Variants in LHFPL3 observed in about 807,000 individuals in gnomAD.
LHFPL3 encodes the protein LHFPL tetraspan subfamily member 3, also known as LHFPL tetraspan subfamily member 3 protein.
A neutral mutation model predicts 19.3 loss-of-function variants in LHFPL3; 5 were observed. That is an observed-to-expected ratio of 0.26 (90% confidence interval 0.14 to 0.54). The LOEUF is 0.54. Ranked by LOEUF, LHFPL3 falls within the 20% of genes least tolerant of loss-of-function variation. The pLI, the probability that LHFPL3 is intolerant of heterozygous loss-of-function variation, is 0.94. For missense variants in LHFPL3, 249 were observed against 307.4 expected (o/e 0.81, Z 1.42); for synonymous variants, 133 against 126.2 (o/e 1.05, Z -0.36).
At chr7:104,423,257 T>C (rs376598856) in intron 1 of LHFPL3, among the ~76,000 whole-genome samples, 1 of 152,144 alleles carries the variant, frequency 6.6e-6, no homozygotes, top group Non-Finnish European at 1.5e-5. Flanking sequence ...AAGTCATCAA[T>C]TGGGCTGCTA....
chr7:104,780,255 G>A (rs1034440074), intron 2 of LHFPL3, among the ~76,000 whole-genome samples: 2 of 144,072 alleles, frequency 1.4e-5, no homozygotes, highest in African/African-American at 5.9e-5. Flanking sequence ...GAAAGAAAGG[G>A]AGCCAGAGCA....
chr7:104,597,961 C>T (rs1299740386), intron 1 of LHFPL3, among the ~76,000 whole-genome samples: 1 of 152,074 alleles, frequency 6.6e-6, no homozygotes, highest in African/African-American at 2.4e-5. Context: ...ATTCTGCTGA[C>T]ATTGAAGCAA....
At chr7:104,368,322 C>A (rs1213886986) in intron 1 of LHFPL3, among the ~76,000 whole-genome samples, 1 of 152,074 alleles carries the variant, frequency 6.6e-6, no homozygotes, top group Non-Finnish European at 1.5e-5. Context: ...GAGATCTACC[C>A]TCTCATTTTT....
Position 104,525,360 on chromosome 7 carries a change from G to A in LHFPL3, c.445+196136G>A, listed in dbSNP as rs888700477. Among the ~76,000 whole-genome samples, 6 of 152,162 alleles carry A rather than the reference G, an allele frequency of 3.9e-5. No homozygotes were observed. In the South Asian group the frequency reaches 1.2e-3, roughly 32 times the overall value. On this transcript the variant is annotated intron_variant, in intron 1 of 2. Coordinates refer to ENST00000424859, the MANE Select transcript of LHFPL3 (RefSeq NM_199000.3). The stretch of plus-strand genomic sequence containing the variant: ...ATAAAATATTCAAGGGGCCTCCTGA[G>A]TTTATTATTTTCATGGGTACTGATT...
At chr7:104,565,015 T>A (rs1790092556) in intron 1 of LHFPL3, among the ~76,000 whole-genome samples, 1 of 152,212 alleles carries the variant, frequency 6.6e-6, no homozygotes. Flanking sequence ...AGTGATGGAA[T>A]CTTGTGAACC....
intron 1 of LHFPL3, among the ~76,000 whole-genome samples, chr7:104,364,687 ACT>A (rs1790452029): frequency 6.6e-6 from 1 of 152,138 alleles, no homozygotes; most frequent in African/African-American, 2.4e-5. Context: ...ATTTTTGTCC[ACT>A]CTAGCAAGAA....
chr7:104,561,584 G>A (rs1790004883), intron 1 of LHFPL3, among the ~76,000 whole-genome samples: 1 of 152,202 alleles, frequency 6.6e-6, no homozygotes, highest in East Asian at 1.9e-4. Context: ...GTCTCTGCAT[G>A]TGAGATGGGT....
In LHFPL3 at chr7:104,893,230, T is replaced by C. The variant is rs1216108758; in HGVS notation, c.683-12957T>C. On this transcript the variant is annotated intron_variant, in intron 2 of 2. Coordinates refer to ENST00000424859, the MANE Select transcript of LHFPL3 (RefSeq NM_199000.3). Reference sequence around the variant, plus strand: ...CTCTGTCTCTAAAAAAAAAAAAAAATTGGCCTGGCACGGTGGCTGACACCT... The same window carrying C: ...CTCTGTCTCTAAAAAAAAAAAAAAACTGGCCTGGCACGGTGGCTGACACCT... Among the ~76,000 whole-genome samples, 4 of 149,492 alleles carry C rather than the reference T, an allele frequency of 2.7e-5. No homozygotes were observed. The Middle Eastern group carries it at 0.011, about 395-fold the overall frequency.
In LHFPL3 at chr7:104,769,935, A is replaced by G. The variant is rs1220059714; in HGVS notation, c.682+33024A>G. Reference sequence around the variant, plus strand: ...GCAATTTCATATGGTTCAATCTAACAGGAAAAAATTAACATTTTATTTTTG... The same window carrying G: ...GCAATTTCATATGGTTCAATCTAACGGGAAAAAATTAACATTTTATTTTTG... On this transcript the variant is annotated intron_variant, in intron 2 of 2. Transcript: ENST00000424859. Among the ~76,000 whole-genome samples the G allele has an allele frequency of 3.3e-5, 5 of 152,234 alleles. No homozygotes were observed. In the South Asian group the frequency reaches 6.2e-4, roughly 19 times the overall value.
At chr7:104,370,759 G>A (rs1790599203) in intron 1 of LHFPL3, among the ~76,000 whole-genome samples, 1 of 152,118 alleles carries the variant, frequency 6.6e-6, no homozygotes, top group South Asian at 2.1e-4. Flanking sequence ...GCGGGCGCCT[G>A]TAATCCCAGC....
At chr7:104,642,107 A>C (rs1350397475) in intron 1 of LHFPL3, among the ~76,000 whole-genome samples, 1 of 140,310 alleles carries the variant, frequency 7.1e-6, no homozygotes, top group Non-Finnish European at 1.5e-5. Flanking sequence ...GTGCAATCTC[A>C]GCTCACTGCA....
At chr7:104,580,243 C>T (rs544886781) in intron 1 of LHFPL3, among the ~76,000 whole-genome samples, 66 of 152,266 alleles carry the variant, frequency 4.3e-4, no homozygotes, top group African/African-American at 1.5e-3. Flanking sequence ...TATGTAATTA[C>T]TGTGACTATT....
rs1195138231 is a variant in LHFPL3, at chr7:104,417,880, TCTTC to T, written c.445+88657_445+88660del. Among the ~76,000 whole-genome samples the T allele has an allele frequency of 2.6e-3, 319 of 121,320 alleles. 3 individuals are homozygous for T. The highest frequency in any genetic ancestry group is 0.01 in the African/African-American group (299 of 29,164). 79.6% of individuals were successfully genotyped at this position (121,320 alleles called of 152,430 possible). A position where few individuals can be genotyped will look rare whatever the true frequency, so the allele number is the denominator to read the frequency against. On this transcript the variant is annotated intron_variant, in intron 1 of 2. Coordinates refer to ENST00000424859, the MANE Select transcript of LHFPL3 (RefSeq NM_199000.3). ...TAATTCTTCTTCTTCTTCTTCTTCT[TCTTC>T]TTTTTTTTTTTTTTTTGAGATGGGG...
chr7:104,553,576 A>G (rs1794701575), intron 1 of LHFPL3, among the ~76,000 whole-genome samples: 1 of 152,168 alleles, frequency 6.6e-6, no homozygotes, highest in Non-Finnish European at 1.5e-5. Flanking sequence ...AGGAATATGA[A>G]TCTAAAATGC....
intron 1 of LHFPL3, among the ~76,000 whole-genome samples, chr7:104,475,898 A>G (rs1793001403): frequency 6.6e-6 from 1 of 152,162 alleles, no homozygotes; most frequent in African/African-American, 2.4e-5. Context: ...TCAAACGATG[A>G]TTTTTTTACT....
rs980538864 is a variant in LHFPL3, at chr7:104,508,618, ATAT to A, written c.445+179395_445+179397del. 3.6e-3 allele frequency among the ~76,000 whole-genome samples: 186 copies of A among 51,704 alleles called. 2 individuals are homozygous for A. The highest frequency in any genetic ancestry group is 0.03 in the East Asian group (57 of 1,896). 33.9% of individuals were successfully genotyped at this position (51,704 alleles called of 152,430 possible). The stretch of plus-strand genomic sequence containing the variant: ...AAAACTTAAAGTATAATAAAAAAAA[ATAT>A]ATATATATACACATTAGGAAAATTT... On this transcript the variant is annotated intron_variant, in intron 1 of 2. Coordinates refer to ENST00000424859, the MANE Select transcript of LHFPL3 (RefSeq NM_199000.3).
intron 1 of LHFPL3, among the ~76,000 whole-genome samples, chr7:104,531,418 T>C (rs754125492): frequency 6.6e-6 from 1 of 152,192 alleles, no homozygotes; most frequent in Non-Finnish European, 1.5e-5. Flanking sequence ...GGGGTAAACT[T>C]CTGCTGATTA....
At chr7:104,521,631 C>T (rs1227284683) in intron 1 of LHFPL3, among the ~76,000 whole-genome samples, 1 of 152,016 alleles carries the variant, frequency 6.6e-6, no homozygotes, top group African/African-American at 2.4e-5. Flanking sequence ...ATTTTTGCAA[C>T]CTACTCATCT....
intron 1 of LHFPL3, among the ~76,000 whole-genome samples, chr7:104,637,090 G>A (rs1351369399): frequency 1.3e-5 from 2 of 152,170 alleles, no homozygotes; most frequent in Admixed American, 1.3e-4. Flanking sequence ...ACTGGTGTGA[G>A]ATGGTATCAT....
Sources: allele counts gnomAD v4.1 joint callset (sites outside exome capture counted in the v4.1 genomes callset), GRCh38; gene constraint gnomAD v4.1.1; transcripts MANE v1.5; gene names NCBI Gene and HGNC (gene_info 2026-07-23, HGNC 2026-07-21).